TSC22D2: variants seen among roughly 807,000 people sequenced by gnomAD.
TSC22D2 encodes the protein TSC22 domain family member 2.
TSC22D2 carries 5 observed loss-of-function variants against 50.1 expected under a neutral mutation model. The observed-to-expected ratio is 0.10, with a 90% CI of 0.05 to 0.21. The LOEUF (loss-of-function observed/expected upper bound fraction) is 0.21. Ranked by LOEUF, TSC22D2 falls within the 10% of genes least tolerant of loss-of-function variation. The pLI is 1.00. For synonymous variants in TSC22D2, 501 were observed against 450.1 expected (o/e 1.11, Z -1.43); for missense variants, 1,003 against 1,015.5 (o/e 0.99, Z 0.17).
intron 1 of TSC22D2, among the ~76,000 whole-genome samples, chr3:150,435,320 G>A (rs1361434192): frequency 3.3e-5 from 5 of 151,946 alleles, no homozygotes; most frequent in Non-Finnish European, 7.4e-5. Context: ...TGTCTTCCTA[G>A]CAGTTTTATT....
intron 1 of TSC22D2, among the ~76,000 whole-genome samples, chr3:150,418,717 A>C (rs904397618): frequency 1.8e-4 from 27 of 152,100 alleles, no homozygotes; most frequent in African/African-American, 6.3e-4. Context: ...AACCAGAGTG[A>C]AGGACTTTAA....
At chr3:150,429,950 G>C (rs772301399) in intron 1 of TSC22D2, among the ~76,000 whole-genome samples, 7 of 152,044 alleles carry the variant, frequency 4.6e-5, no homozygotes, top group Non-Finnish European at 8.8e-5. Context: ...TACCAGGAAC[G>C]TTTGCAATTA....
At chr3:150,438,227 G>A (rs1465238792) in intron 1 of TSC22D2, 2 of 427,624 alleles carry the variant, frequency 4.7e-6, no homozygotes, top group East Asian at 1.4e-4. Context: ...CATCGGAGGA[G>A]GAATGTGACA....
intron 1 of TSC22D2, among the ~76,000 whole-genome samples, chr3:150,428,790 A>C (rs1327919867): frequency 6.6e-6 from 1 of 152,078 alleles, no homozygotes; most frequent in Non-Finnish European, 1.5e-5. Flanking sequence ...ATTTCTTTAT[A>C]CTCTATTTGC....
At chr3:150,447,655 C>G (rs1720928289) in intron 1 of TSC22D2, among the ~76,000 whole-genome samples, 1 of 152,156 alleles carries the variant, frequency 6.6e-6, no homozygotes, top group Non-Finnish European at 1.5e-5. Context: ...CTCCTAGTTG[C>G]TCCAAGAATA....
At chr3:150,432,237 C>T (rs1272287550) in intron 1 of TSC22D2, among the ~76,000 whole-genome samples, 1 of 152,102 alleles carries the variant, frequency 6.6e-6, no homozygotes, top group African/African-American at 2.4e-5. Flanking sequence ...ATATGCTTTC[C>T]ACCCATATGT....
Position 150,418,547 on chromosome 3 carries a change from T to C in TSC22D2, c.1958+7239T>C, listed in dbSNP as rs140107916. ...ACCCATTATTACTTGTACATTCTTT[T>C]GAGGCTAACTCTTGAACTAAATCTT... On this transcript the variant is annotated intron_variant, in intron 1 of 2. Transcript: ENST00000688009. Among the ~76,000 whole-genome samples, 753 of 152,026 alleles carry C rather than the reference T, an allele frequency of 5.0e-3. 12 individuals are homozygous for C. The highest frequency in any genetic ancestry group is 0.018 in the African/African-American group (727 of 41,520).
Position 150,460,402 on chromosome 3 carries a change from G to C in TSC22D2, c.*1766G>C, listed in dbSNP as rs911624386. On this transcript the variant is annotated 3_prime_UTR_variant, in exon 3 of 3. Coordinates refer to ENST00000688009, the MANE Select transcript of TSC22D2 (RefSeq NM_001303264.2). ...GCATCTGTAGCCAGCTAGCTAATCA[G>C]AGTTAATGAGAACCAGTAGTTAGTT... 2 of 151,956 alleles carry C rather than the reference G, an allele frequency of 1.3e-5. No individual in the cohort carries two copies. Among genetic ancestry groups the C allele is most frequent in the African/African-American group, 4.8e-5 (2 of 41,254 alleles). The allele number at this position is 151,956 out of a possible 1,614,324, so 9.4% of individuals were successfully genotyped here.
At chr3:150,451,540 C>T (rs1721042798) in intron 1 of TSC22D2, among the ~76,000 whole-genome samples, 1 of 152,182 alleles carries the variant, frequency 6.6e-6, no homozygotes, top group Non-Finnish European at 1.5e-5. Flanking sequence ...TAATAATACA[C>T]ATAATTCTGG....
Position 150,461,602 on chromosome 3 carries a change from A to G in TSC22D2, c.*2966A>G, listed in dbSNP as rs1721402113. On this transcript the variant is annotated 3_prime_UTR_variant, in exon 3 of 3. Coordinates refer to ENST00000688009, the MANE Select transcript of TSC22D2 (RefSeq NM_001303264.2). ...CCGATGTGATCTCACAGCTTGCCAC[A>G]CCAAAAACAAATAGTAGGGGTTAGG... 1.3e-5 allele frequency: 2 copies of G among 152,244 alleles called. No homozygotes were observed. Among genetic ancestry groups the G allele is most frequent in the Admixed American group, 1.3e-4 (2 of 15,284 alleles). The allele number at this position is 152,244 out of a possible 1,614,324, so 9.4% of individuals were successfully genotyped here.
chr3:150,445,535 T>C (rs1720858957), intron 1 of TSC22D2, among the ~76,000 whole-genome samples: 1 of 152,110 alleles, frequency 6.6e-6, no homozygotes, highest in Non-Finnish European at 1.5e-5. Flanking sequence ...ATAATTGATT[T>C]TTATTCATGT....
Position 150,463,827 on chromosome 3 carries a change from C to T in TSC22D2, c.*5191C>T, listed in dbSNP as rs761394932. 2.6e-5 allele frequency: 4 copies of T among 152,128 alleles called. No homozygotes were observed. Among genetic ancestry groups the T allele is most frequent in the Non-Finnish European group, 4.4e-5 (3 of 68,036 alleles). The allele number at this position is 152,128 out of a possible 1,614,324, so 9.4% of individuals were successfully genotyped here. A position where few individuals can be genotyped will look rare whatever the true frequency, so the allele number is the denominator to read the frequency against. ...CAAAGTAAGACGCTGGTATTTTGCA[C>T]TGGCGCAGTCCATTTAGTTGTTGAA... On this transcript the variant is annotated 3_prime_UTR_variant, in exon 3 of 3. Transcript: ENST00000688009.
intron 1 of TSC22D2, among the ~76,000 whole-genome samples, chr3:150,427,072 T>C (rs1720216379): frequency 6.6e-6 from 1 of 152,152 alleles, no homozygotes; most frequent in Non-Finnish European, 1.5e-5. Context: ...TTTGTTTTGC[T>C]CATCTCTAAG....
chr3:150,428,611 A>G (rs535658485), intron 1 of TSC22D2, among the ~76,000 whole-genome samples: 6 of 144,634 alleles, frequency 4.1e-5, no homozygotes, highest in Non-Finnish European at 7.5e-5. Flanking sequence ...AAAAAAAAAC[A>G]TACTTAGATA....
chr3:150,452,345 C>G (rs1238398162), intron 1 of TSC22D2, among the ~76,000 whole-genome samples: 1 of 151,360 alleles, frequency 6.6e-6, no homozygotes, highest in Non-Finnish European at 1.5e-5. Flanking sequence ...CTCGGGAGGC[C>G]GAGGCAGGAG....
chr3:150,452,251 G>A (rs1163600043), intron 1 of TSC22D2, among the ~76,000 whole-genome samples: 1 of 152,092 alleles, frequency 6.6e-6, no homozygotes, highest in Non-Finnish European at 1.5e-5. Context: ...TTCGAGACCA[G>A]CCTGACCAAC....
chr3:150,439,027 C>A (rs936581461), intron 1 of TSC22D2, among the ~76,000 whole-genome samples: 5 of 151,984 alleles, frequency 3.3e-5, no homozygotes, highest in African/African-American at 7.3e-5. Flanking sequence ...GTAGGGGGAC[C>A]ATTGGAAGGA....
In TSC22D2 at chr3:150,410,642, C is replaced by G; in HGVS notation, c.1292C>G (p.Ser431Cys). 3.2e-6 allele frequency: 5 copies of G among 1,553,652 alleles called. No homozygotes were observed. Among genetic ancestry groups the G allele is most frequent in the Non-Finnish European group, 4.3e-6 (5 of 1,151,884 alleles). ...SVGAQLMGAS[S>C]QPSEAMAPRT... ...GGCGCGCAGCTCATGGGCGCGTCTT[C>G]CCAGCCCAGCGAAGCCATGGCCCCC... Residue 431 changes from serine (S) to cysteine (C), a missense_variant, in exon 1 of 3, where the codon TCC becomes TGC. By Grantham distance (112) the Ser-to-Cys change is moderately radical (BLOSUM62 -1). Coordinates refer to ENST00000688009, the MANE Select transcript of TSC22D2 (RefSeq NM_001303264.2).
chr3:150,447,272 C>T (rs537717943), intron 1 of TSC22D2, among the ~76,000 whole-genome samples: 2 of 152,272 alleles, frequency 1.3e-5, no homozygotes, highest in East Asian at 3.9e-4. Flanking sequence ...AGTTTCTTCC[C>T]AAGCCCATCT....
Sources: allele counts gnomAD v4.1 joint callset (sites outside exome capture counted in the v4.1 genomes callset), GRCh38; gene constraint gnomAD v4.1.1; transcripts MANE v1.5; gene names NCBI Gene and HGNC (gene_info 2026-07-23, HGNC 2026-07-21).